The following CAPN15 variants were observed in gnomAD, a reference collection of about 807,000 sequenced individuals.
CAPN15 encodes calpain-15.
CAPN15 carries 53 observed loss-of-function variants against 97.9 expected under a neutral mutation model. The observed-to-expected ratio is 0.54, with a 90% CI of 0.43 to 0.68. The LOEUF is 0.68. Among genes scored for constraint, CAPN15 ranks in the 30% least tolerant of loss-of-function variants. The pLI is 0.00. For synonymous variants in CAPN15, 922 were observed against 722.5 expected (o/e 1.28, Z -4.43); for missense variants, 1,592 against 1,589.8 (o/e 1.00, Z -0.02).
At position 536,120 on chromosome 16, in the gene CAPN15, T is replaced by G; in HGVS notation, c.-45T>G. On this transcript the variant is annotated 5_prime_UTR_variant, in exon 3 of 14. Transcript: ENST00000219611. ...ATTCACGTGTGCCCAGGCCCTGAGG[T>G]GGGCCGGACCTGGGAGTGGCAGGTG... is the stretch of plus-strand genomic sequence containing the variant. 1 of 979,224 alleles carries G rather than the reference T, an allele frequency of 1.0e-6. No individual in the cohort carries two copies. Among genetic ancestry groups the G allele is most frequent in the Non-Finnish European group, 1.2e-6 (1 of 827,430 alleles). 60.7% of individuals were successfully genotyped at this position (979,224 alleles called of 1,614,324 possible).
Position 553,550 on chromosome 16 carries a change from G to C in CAPN15, c.*34G>C. On this transcript the variant is annotated 3_prime_UTR_variant, in exon 14 of 14. Transcript: ENST00000219611. ...CCTGGGGCAGGGGCTGTGCACAGAC[G>C]GACCCCCCACCCCCACACGCACTTT... 1 of 1,445,100 alleles carries C rather than the reference G, an allele frequency of 6.9e-7. No individual in the cohort carries two copies. The highest frequency in any genetic ancestry group is 9.5e-7 in the Non-Finnish European group (1 of 1,052,348). The allele number at this position is 1,445,100 out of a possible 1,614,324, so 89.5% of individuals were successfully genotyped here. A position where few individuals can be genotyped will look rare whatever the true frequency, so the allele number is the denominator to read the frequency against.
chr16:550,684 AGTCGGTGAGGGT>A (rs1567156724), intron 7 of CAPN15, among the ~76,000 whole-genome samples: 3 of 42,218 alleles, frequency 7.1e-5, no homozygotes, highest in Admixed American at 2.6e-4. Context: ...GAGGGCCCCC[AGTCGGTGAGGGT>A]CCCGGTCGGT....
In CAPN15 at chr16:552,373, C is replaced by T. The variant is rs200301404; in HGVS notation, c.2580C>T (p.Gly860=). 263 of 1,601,386 alleles carry T rather than the reference C, an allele frequency of 1.6e-4. No homozygotes were observed. The African/African-American group carries it at 2.0e-3, about 12-fold the overall frequency. Residue 860 remains glycine, a synonymous_variant, in exon 11 of 14, where the codon GGC becomes GGT. Coordinates refer to ENST00000219611, the MANE Select transcript of CAPN15 (RefSeq NM_005632.3). The surrounding 1 kb of genome is among the most constrained non-coding windows in gnomAD (Gnocchi z 6.4). ...TGTTCCGGGCCACGTTCGGCAGCGG[C>T]GGCCACCTCAGCCTGGGCCGCCTCC... ...ILVFRATFGS[G]GHLSLGRLLA...
Position 551,838 on chromosome 16 carries a change from C to T in CAPN15, c.2345+174C>T, listed in dbSNP as rs150174173. The stretch of plus-strand genomic sequence containing the variant: ...GCCAACCTCAGAATTCAGGTCCACC[C>T]AGGTCAGCAGATTCCAGCGCCCTGA... On this transcript the variant is annotated intron_variant, in intron 9 of 13. Transcript: ENST00000219611. 2.5e-3 allele frequency: 2,544 copies of T among 1,009,096 alleles called. 36 individuals are homozygous for T. In the African/African-American group the frequency reaches 0.028, roughly 11 times the overall value. The allele number at this position is 1,009,096 out of a possible 1,614,324, so 62.5% of individuals were successfully genotyped here.
At chr16:545,712 G>A (rs1481389886) in intron 3 of CAPN15, among the ~76,000 whole-genome samples, 2 of 152,254 alleles carry the variant, frequency 1.3e-5, no homozygotes, top group Non-Finnish European at 1.5e-5. Flanking sequence ...CAGGGCCAAA[G>A]GGAGGGTGTG....
chr16:528,734 G>A, intron 1 of CAPN15: 1 of 985,472 alleles, frequency 1.0e-6, no homozygotes, highest in Non-Finnish European at 1.2e-6. Context: ...ACAAGACCCG[G>A]AAAGCAATGG....
intron 7 of CAPN15, among the ~76,000 whole-genome samples, chr16:550,474 G>C (rs973331148): frequency 6.6e-6 from 1 of 152,244 alleles, no homozygotes; most frequent in African/African-American, 2.4e-5. Context: ...CTACAGGCAG[G>C]AGTGGGCCCT....
At position 552,775 on chromosome 16, in the gene CAPN15, G is replaced by T; in HGVS notation, c.2904+4G>T. ...GAGCCGCGGAGAGCGGCACGAGGTG[G>T]GTGGGGGTCCCGGGGGAGGGTGGCG... On this transcript the variant is annotated splice_donor_region_variant and intron_variant, in intron 12 of 13. Transcript: ENST00000219611. This position sits in a 1 kb window ranked among gnomAD's most constrained non-coding sequence, Gnocchi z 6.4. 3 of 1,527,940 alleles carry T rather than the reference G, an allele frequency of 2.0e-6. No homozygotes were observed. Among genetic ancestry groups the T allele is most frequent in the Non-Finnish European group, 2.6e-6 (3 of 1,134,294 alleles). 94.6% of individuals were successfully genotyped at this position (1,527,940 alleles called of 1,614,324 possible). A position where few individuals can be genotyped will look rare whatever the true frequency, so the allele number is the denominator to read the frequency against.
At chr16:542,871 T>A (rs1173544276) in intron 3 of CAPN15, among the ~76,000 whole-genome samples, 3 of 152,132 alleles carry the variant, frequency 2.0e-5, no homozygotes, top group Non-Finnish European at 4.4e-5. Context: ...CTGGCCAACA[T>A]GGTGAAACCC....
At chr16:550,875 TC>T (rs2034982330) in intron 7 of CAPN15, among the ~76,000 whole-genome samples, 2 of 35,906 alleles carry the variant, frequency 5.6e-5, no homozygotes, top group African/African-American at 2.8e-4. Flanking sequence ...TCGGTGAGGG[TC>T]CCCTGTCGGT....
chr16:553,122 C>T (rs1287491113), intron 13 of CAPN15, 81 bp downstream of exon 13: 6 of 606,280 alleles, frequency 9.9e-6, no homozygotes, highest in South Asian at 2.1e-5. Flanking sequence ...AACTCGTGCC[C>T]CCCCACCCCT....
rs368094829 is a variant in CAPN15 at position 553,510 on chromosome 16, G to A, written c.3255G>A (p.Pro1085=). Residue 1085 remains proline, a synonymous_variant, in exon 14 of 14, where the codon CCG becomes CCA. Coordinates refer to ENST00000219611, the MANE Select transcript of CAPN15 (RefSeq NM_005632.3). ...TCGCCGGTCTGCATGGGCCCCGACC[G>A]CTGTGACCACCATGCCTGGGGCAGG... ...PEVAGLHGPR[P]L The A allele has an allele frequency of 9.4e-5, 151 of 1,599,492 alleles. No homozygotes were observed. In the East Asian group the frequency reaches 1.6e-3, roughly 17 times the overall value.
chr16:543,595 G>T (rs954463670), intron 3 of CAPN15, among the ~76,000 whole-genome samples: 2 of 152,158 alleles, frequency 1.3e-5, no homozygotes, highest in Non-Finnish European at 2.9e-5. Context: ...TGGGGCCTGG[G>T]CTCCAGGCAG....
chr16:546,677 T>G, intron 3 of CAPN15, 140 bp from the exon 4 acceptor site: 1 of 1,165,284 alleles, frequency 8.6e-7, no homozygotes, highest in Non-Finnish European at 1.2e-6. Flanking sequence ...CACCGCCGCC[T>G]GCCTCAAATG....
At position 552,392 on chromosome 16, in the gene CAPN15, C is replaced by T. The variant is rs569215606; in HGVS notation, c.2599C>T (p.Arg867Cys). The T allele has an allele frequency of 2.9e-5, 47 of 1,606,196 alleles. No individual in the cohort carries two copies. Among genetic ancestry groups the T allele is most frequent in the African/African-American group, 8.0e-5 (6 of 74,942 alleles). Reference protein sequence around the residue: ...FGSGGHLSLGRLLAHSKRAVK... With the variant: ...FGSGGHLSLGCLLAHSKRAVK... ...CAGCGGCGGCCACCTCAGCCTGGGC[C>T]GCCTCCTGGCCCACAGTAAGCGCGC... Residue 867 changes from arginine (R) to cysteine (C), a missense_variant, in exon 11 of 14, where the codon CGC (arginine) becomes TGC (cysteine). By Grantham distance (180) the Arg-to-Cys change is radical (BLOSUM62 -3). Transcript: ENST00000219611. The surrounding 1 kb of genome is among the most constrained non-coding windows in gnomAD (Gnocchi z 6.4).
In CAPN15 at chr16:550,134, G is replaced by A. The variant is rs538193846; in HGVS notation, c.2066+296G>A. ...TGTCGAGTTTGACCTGGGCCGTGGG[G>A]CGAGACTGATGCCGTCATCCGCCTC... On this transcript the variant is annotated intron_variant, in intron 7 of 13. Transcript: ENST00000219611. Among the ~76,000 whole-genome samples, 31 of 131,746 alleles carry A rather than the reference G, an allele frequency of 2.4e-4. No homozygotes were observed. The South Asian group carries it at 6.2e-3, about 26-fold the overall frequency. 86.4% of individuals were successfully genotyped at this position (131,746 alleles called of 152,430 possible). A position where few individuals can be genotyped will look rare whatever the true frequency, so the allele number is the denominator to read the frequency against.
Position 552,098 on chromosome 16 carries a change from A to G in CAPN15, c.2393A>G (p.Glu798Gly). ...TGTAAGGTGCACTCGGACTGGCAGG[A>G]GGCGCGGGTGCAGGGCTGCTTTCCC... ...DICKVHSDWQ[E>G]ARVQGCFPSS... The change falls in exon 10 of 14, where the codon GAG (glutamate) becomes GGG (glycine). Residue 798 changes from glutamate (E) to glycine (G), a missense_variant. Glu to Gly is a moderately conservative substitution (Grantham distance 98). Around this residue, in one of 3 missense-constraint regions of CAPN15, gnomAD observed 644 missense variants for 699.6 expected, o/e 0.92. Transcript: ENST00000219611. This position sits in a 1 kb window ranked among gnomAD's most constrained non-coding sequence, Gnocchi z 6.4. 6.5e-7 allele frequency: 1 copy of G among 1,549,100 alleles called. No homozygotes were observed.
intron 1 of CAPN15, among the ~76,000 whole-genome samples, chr16:533,670 G>A (rs1330862858): frequency 2.6e-5 from 4 of 152,184 alleles, no homozygotes; most frequent in African/African-American, 9.7e-5. Context: ...TGCGGTCCTG[G>A]CTGGCCGGAG....
In CAPN15 at chr16:551,212, G is replaced by A. The variant is rs578189318; in HGVS notation, c.2067-90G>A. The A allele has an allele frequency of 5.7e-5, 84 of 1,482,172 alleles. 1 individual carries two copies. The East Asian group carries it at 7.1e-4, about 13-fold the overall frequency. 91.8% of individuals were successfully genotyped at this position (1,482,172 alleles called of 1,614,324 possible). A position where few individuals can be genotyped will look rare whatever the true frequency, so the allele number is the denominator to read the frequency against. ...CCCCGGTCGGTGAGGGTCCCCAGTC[G>A]GTGAGGGTCCCGGTCAGTGAGGGTC... On this transcript the variant is annotated intron_variant, in intron 7 of 13. Coordinates refer to ENST00000219611, the MANE Select transcript of CAPN15 (RefSeq NM_005632.3).
Sources: allele counts gnomAD v4.1 joint callset (sites outside exome capture counted in the v4.1 genomes callset), GRCh38; gene constraint gnomAD v4.1.1; regional missense constraint gnomAD v4.1.1; non-coding constraint Gnocchi (gnomAD v3.1); transcripts MANE v1.5; gene names NCBI Gene and HGNC (gene_info 2026-07-23, HGNC 2026-07-21).